CDH12: variants seen among roughly 807,000 people sequenced by gnomAD.
CDH12 encodes the protein cadherin-12.
Under a neutral mutation model 74.1 loss-of-function variants are expected in CDH12, and 41 were observed. The observed-to-expected ratio is 0.55, with a 90% confidence interval of 0.43 to 0.72. The LOEUF (loss-of-function observed/expected upper bound fraction) is 0.72. Ranked by LOEUF, CDH12 falls within the 30% of genes least tolerant of loss-of-function variation. CDH12 has a pLI of 0.00. For missense variants in CDH12, 945 were observed against 977.2 expected (o/e 0.97, Z 0.44); for synonymous variants, 399 against 355.0 (o/e 1.12, Z -1.39).
intron 2 of CDH12, among the ~76,000 whole-genome samples, chr5:22,408,479 G>A (rs1193382708): frequency 1.3e-5 from 2 of 151,598 alleles, no homozygotes; most frequent in East Asian, 1.9e-4. Flanking sequence ...GCAACCTTAC[G>A]ACCAGGAGCA....
chr5:22,257,356 A>C (rs1477653425), intron 3 of CDH12, among the ~76,000 whole-genome samples: 1 of 152,146 alleles, frequency 6.6e-6, no homozygotes, highest in Admixed American at 6.6e-5. Flanking sequence ...AAATTTAAAA[A>C]AATTAAAAAT....
At chr5:22,021,531 T>C (rs764010955) in intron 5 of CDH12, among the ~76,000 whole-genome samples, 15 of 152,210 alleles carry the variant, frequency 9.9e-5, no homozygotes, top group Admixed American at 2.6e-4. Flanking sequence ...GTTTGAACTA[T>C]GATTTTTCAA....
chr5:22,742,748 T>C (rs1378463860), intron 1 of CDH12, among the ~76,000 whole-genome samples: 1 of 149,942 alleles, frequency 6.7e-6, no homozygotes, highest in East Asian at 1.9e-4. Flanking sequence ...TACTATGTTA[T>C]ATATTAATTT....
chr5:22,150,541 T>C (rs10039308), intron 4 of CDH12, among the ~76,000 whole-genome samples: 24,382 of 127,862 alleles, frequency 0.19, 2,282 homozygotes, highest in African/African-American at 0.29. Flanking sequence ...CACACACACA[T>C]ATATATATAT....
At chr5:22,561,166 T>A (rs1228684851) in intron 1 of CDH12, among the ~76,000 whole-genome samples, 1 of 152,126 alleles carries the variant, frequency 6.6e-6, no homozygotes, top group Non-Finnish European at 1.5e-5. Context: ...TGTTTTTGGG[T>A]TTCAAAGTGA....
intron 1 of CDH12, among the ~76,000 whole-genome samples, chr5:22,577,426 AGTG>A (rs1391804716): frequency 6.6e-6 from 1 of 152,188 alleles, no homozygotes; most frequent in Admixed American, 6.5e-5. Flanking sequence ...GATATTACAT[AGTG>A]GTGGACAGCC....
intron 1 of CDH12, among the ~76,000 whole-genome samples, chr5:22,798,778 T>C (rs1461559440): frequency 6.6e-6 from 1 of 152,180 alleles, no homozygotes; most frequent in Non-Finnish European, 1.5e-5. Context: ...GTTTTCTAAA[T>C]ATTTTGTTTA....
chr5:21,997,857 G>A (rs4235542), intron 5 of CDH12, among the ~76,000 whole-genome samples: 12,323 of 152,090 alleles, frequency 0.081, 1,376 homozygotes, highest in African/African-American at 0.26. Flanking sequence ...ATTTAGGATT[G>A]CCTGTAAAAT....
intron 5 of CDH12, among the ~76,000 whole-genome samples, chr5:22,038,929 A>G (rs1322650485): frequency 6.6e-6 from 1 of 152,128 alleles, no homozygotes; most frequent in African/African-American, 2.4e-5. Flanking sequence ...TTGGAGCTGC[A>G]CTGGCTTCCT....
intron 4 of CDH12, among the ~76,000 whole-genome samples, chr5:22,166,436 T>C (rs1397428974): frequency 6.6e-6 from 1 of 152,204 alleles, no homozygotes; most frequent in Admixed American, 6.5e-5. Flanking sequence ...TGTCTAGTAG[T>C]TGATTAAGAT....
intron 3 of CDH12, among the ~76,000 whole-genome samples, chr5:22,365,864 G>A (rs922831387): frequency 1.3e-5 from 2 of 152,176 alleles, no homozygotes; most frequent in African/African-American, 4.8e-5. Context: ...CAGAGGCAGA[G>A]GAGCATTAAC....
intron 4 of CDH12, among the ~76,000 whole-genome samples, chr5:22,136,046 A>G (rs1580305289): frequency 1.3e-5 from 2 of 152,082 alleles, no homozygotes; most frequent in South Asian, 2.1e-4. Flanking sequence ...TAAACAGAAG[A>G]AAATCTGACC....
At chr5:21,902,449 C>T (rs1753434481) in intron 6 of CDH12, among the ~76,000 whole-genome samples, 1 of 152,046 alleles carries the variant, frequency 6.6e-6, no homozygotes, top group African/African-American at 2.4e-5. Flanking sequence ...AATGCAGAAT[C>T]TCAGGCCCCA....
At chr5:21,786,284 G>A (rs149904007) in intron 10 of CDH12, among the ~76,000 whole-genome samples, 2,176 of 152,210 alleles carry the variant, frequency 0.014, 53 homozygotes, top group African/African-American at 0.049. Flanking sequence ...CTCCTCAGTA[G>A]CTGGGATTAC....
At chr5:22,537,709 A>T (rs1292457917) in intron 1 of CDH12, among the ~76,000 whole-genome samples, 1 of 152,146 alleles carries the variant, frequency 6.6e-6, no homozygotes, top group East Asian at 1.9e-4. Context: ...TCTCACTCTA[A>T]AAAAACAATA....
intron 1 of CDH12, among the ~76,000 whole-genome samples, chr5:22,831,522 A>C (rs1581044072): frequency 6.6e-6 from 1 of 152,190 alleles, no homozygotes; most frequent in East Asian, 1.9e-4. Context: ...TCCTGGATAG[A>C]TTACATTAGC....
Position 22,033,109 on chromosome 5 carries a change from T to C in CDH12, c.231+45337A>G, listed in dbSNP as rs7722607. On this transcript the variant is annotated intron_variant, in intron 5 of 14. Coordinates refer to ENST00000382254, the MANE Select transcript of CDH12 (RefSeq NM_004061.5). ...CATTTTTTCAATGACAAAAGAGCTATAATTTTACAATGAGTATAAATGTGG... is the reference window on the plus strand; with the variant it reads ...CATTTTTTCAATGACAAAAGAGCTACAATTTTACAATGAGTATAAATGTGG... 1.6e-3 allele frequency among the ~76,000 whole-genome samples: 240 copies of C among 151,766 alleles called. 3 individuals carry two copies. Among genetic ancestry groups the C allele is most frequent in the African/African-American group, 5.4e-3 (225 of 41,402 alleles).
intron 11 of CDH12, among the ~76,000 whole-genome samples, chr5:21,768,674 C>T (rs1745156577): frequency 6.6e-6 from 1 of 151,854 alleles, no homozygotes; most frequent in African/African-American, 2.4e-5. Context: ...TCAAGTAAAG[C>T]CCACACCCAG....
At chr5:22,165,507 C>CACACAT (rs1412863904) in intron 4 of CDH12, among the ~76,000 whole-genome samples, 3 of 7,656 alleles carry the variant, frequency 3.9e-4, no homozygotes, top group Non-Finnish European at 1.9e-3. Flanking sequence ...CACATACACA[C>CACACAT]ACACATACAC....
Sources: allele counts gnomAD v4.1 joint callset (sites outside exome capture counted in the v4.1 genomes callset), GRCh38; gene constraint gnomAD v4.1.1; transcripts MANE v1.5; gene names NCBI Gene and HGNC (gene_info 2026-07-23, HGNC 2026-07-21).